Variants in RREB1 observed in about 807,000 individuals in gnomAD.
RREB1 encodes the protein ras responsive element binding protein 1.
In RREB1, 27 loss-of-function variants were observed where a neutral mutation model predicts 117.8. That is an observed-to-expected ratio of 0.23 (90% CI 0.17 to 0.32). The LOEUF (loss-of-function observed/expected upper bound fraction) is 0.32, where lower values mean the gene tolerates loss of function less well. Ranked by LOEUF, RREB1 falls within the 10% of genes least tolerant of loss-of-function variation. The pLI, the probability that RREB1 is intolerant of heterozygous loss-of-function variation, is 1.00. For synonymous variants in RREB1, 1,298 were observed against 1,026.7 expected, an observed-to-expected ratio of 1.26 and a Z score of -5.05; for missense variants, 2,577 against 2,378.2, an observed-to-expected ratio of 1.08 and a Z score of -1.74.
At chr6:7,169,399 C>T (rs554033090) in intron 1 of RREB1, among the ~76,000 whole-genome samples, 1 of 152,194 alleles carries the variant, frequency 6.6e-6, no homozygotes, top group African/African-American at 2.4e-5. Context: ...AGAGTAGAGA[C>T]GATACATGTT....
At chr6:7,169,949 T>A (rs551493928) in intron 1 of RREB1, among the ~76,000 whole-genome samples, 128 of 152,356 alleles carry the variant, frequency 8.4e-4, no homozygotes, top group African/African-American at 2.9e-3. Context: ...TGTGCCTCCC[T>A]GCTGAAGTTA....
In RREB1 at chr6:7,229,905, C is replaced by G; in HGVS notation, c.1806C>G (p.Ile602Met). 2.5e-6 allele frequency: 4 copies of G among 1,601,050 alleles called. No homozygotes were observed. The highest frequency in any genetic ancestry group is 2.6e-6 in the Non-Finnish European group (3 of 1,170,684). ...MKTQLEQDSI[I>M]EALLPLSMEA... ...CGCAGCTGGAGCAGGACAGCATCAT[C>G]GAGGCCCTGCTGCCGCTGAGCATGG... Residue 602 changes from isoleucine (I) to methionine (M), a missense_variant, in exon 10 of 13, where the codon ATC becomes ATG. By Grantham distance (10) the Ile-to-Met change is conservative (BLOSUM62 1). Coordinates refer to ENST00000379938, the MANE Select transcript of RREB1 (RefSeq NM_001003699.4). This position sits in a 1 kb window ranked among gnomAD's most constrained non-coding sequence, Gnocchi z 4.5.
intron 10 of RREB1, among the ~76,000 whole-genome samples, chr6:7,233,581 A>G (rs991546629): frequency 6.6e-6 from 1 of 152,206 alleles, no homozygotes; most frequent in Non-Finnish European, 1.5e-5. Context: ...GGGATTTACT[A>G]AAAAATTATT....
chr6:7,198,082 G>A (rs1008744431), intron 6 of RREB1, among the ~76,000 whole-genome samples: 2 of 152,234 alleles, frequency 1.3e-5, no homozygotes, highest in South Asian at 2.1e-4. Context: ...TCAGTTCCCC[G>A]CAAGAGGAAG....
intron 11 of RREB1, among the ~76,000 whole-genome samples, chr6:7,242,702 G>GA (rs1554128713): frequency 1.4e-5 from 2 of 145,438 alleles, no homozygotes; most frequent in African/African-American, 2.5e-5. Context: ...TAAAAAAAAG[G>GA]GGGGGGGGGA....
At chr6:7,226,395 G>T in intron 8 of RREB1, 72 bp from the exon 9 acceptor site, 1 of 1,143,746 alleles carries the variant, frequency 8.7e-7, no homozygotes, top group South Asian at 1.8e-5. Flanking sequence ...TGGAAGAGTG[G>T]AAACTCTGAC....
intron 2 of RREB1, among the ~76,000 whole-genome samples, chr6:7,177,744 A>G (rs192805563): frequency 1.3e-3 from 202 of 151,886 alleles, no homozygotes; most frequent in African/African-American, 4.5e-3. Context: ...GTCTTTCTTG[A>G]TGGAGTCTTG....
At chr6:7,217,360 T>G (rs1766959699) in intron 8 of RREB1, 1 of 152,206 alleles carries the variant, frequency 6.6e-6, no homozygotes, top group Non-Finnish European at 1.5e-5. Flanking sequence ...AAGGAAATGG[T>G]CAAGCTGAGT....
chr6:7,156,740 G>A (rs566098973), intron 1 of RREB1, among the ~76,000 whole-genome samples: 9 of 152,324 alleles, frequency 5.9e-5, no homozygotes, highest in African/African-American at 1.2e-4. Flanking sequence ...GTAACAGCTG[G>A]AATATAGTTG....
rs1554124720 is a variant in RREB1 at position 7,211,338 on chromosome 6, A to AAATG, written c.571-235_571-234insAATG. Among the ~76,000 whole-genome samples, 3 of 118,566 alleles carry AAATG rather than the reference A, an allele frequency of 2.5e-5. No individual in the cohort carries two copies. In the East Asian group the frequency reaches 7.6e-4, roughly 30 times the overall value. The allele number at this position is 118,566 out of a possible 152,430, so 77.8% of individuals were successfully genotyped here. A position where few individuals can be genotyped will look rare whatever the true frequency, so the allele number is the denominator to read the frequency against. The stretch of plus-strand genomic sequence containing the variant: ...AGGGTGGGTGGATGGATGGATGGAC[A>AAATG]GATGGATGGATGGATGGATGGATGG... On this transcript the variant is annotated intron_variant, in intron 7 of 12. Transcript: ENST00000379938.
rs368282600 is a variant in RREB1, at chr6:7,161,218, G to T, written c.-284-15437G>T. Among the ~76,000 whole-genome samples, 13 of 152,220 alleles carry T rather than the reference G, an allele frequency of 8.5e-5. No homozygotes were observed. In the East Asian group the frequency reaches 2.5e-3, roughly 29 times the overall value. The stretch of plus-strand genomic sequence containing the variant: ...GGTGGGGATGACTCACCTGGGAGAG[G>T]TCAGCCTGCTTATGACACGTCCCTC... On this transcript the variant is annotated intron_variant, in intron 1 of 12. Transcript: ENST00000379938.
At chr6:7,152,854 C>T (rs1445646421) in intron 1 of RREB1, among the ~76,000 whole-genome samples, 1 of 152,190 alleles carries the variant, frequency 6.6e-6, no homozygotes, top group Non-Finnish European at 1.5e-5. Context: ...GCAGGAAATT[C>T]CACCACCTTT....
intron 10 of RREB1, among the ~76,000 whole-genome samples, chr6:7,236,985 C>T (rs1260288571): frequency 3.6e-5 from 5 of 139,140 alleles, no homozygotes; most frequent in African/African-American, 1.3e-4. Context: ...GTGGCATGAT[C>T]ACAGCTCACT....
intron 6 of RREB1, among the ~76,000 whole-genome samples, chr6:7,203,649 T>A (rs1766111722): frequency 6.6e-6 from 1 of 152,206 alleles, no homozygotes; most frequent in African/African-American, 2.4e-5. Context: ...AATGAACCCC[T>A]GGTACTCCTG....
chr6:7,128,947 C>A (rs1158902346), intron 1 of RREB1, among the ~76,000 whole-genome samples: 1 of 152,096 alleles, frequency 6.6e-6, no homozygotes, highest in Non-Finnish European at 1.5e-5. Context: ...CCAGCTTGGG[C>A]AACAGAGTGA....
chr6:7,176,943 A>G (rs1359226688), intron 2 of RREB1, among the ~76,000 whole-genome samples, 170 bp downstream of exon 2: 1 of 152,054 alleles, frequency 6.6e-6, no homozygotes, highest in African/African-American at 2.4e-5. Context: ...TAGGCCAGAC[A>G]TGGTGGCTCA....
At chr6:7,143,433 C>G (rs1762714037) in intron 1 of RREB1, among the ~76,000 whole-genome samples, 1 of 152,094 alleles carries the variant, frequency 6.6e-6, no homozygotes, top group African/African-American at 2.4e-5. Context: ...TTTCTTAAAC[C>G]AAGAAGGGTG....
rs371435018 is a variant in RREB1, at chr6:7,205,290, C to T, written c.426-5514C>T. On this transcript the variant is annotated intron_variant, in intron 6 of 12. Coordinates refer to ENST00000379938, the MANE Select transcript of RREB1 (RefSeq NM_001003699.4). ...ATTTGCATGAAGCTCCCAGGTGGTG[C>T]CCATGCTGCTGGTCAGAAGCCTACA... Among the ~76,000 whole-genome samples, 76 of 152,154 alleles carry T rather than the reference C, an allele frequency of 5.0e-4. 1 individual carries two copies. The highest frequency in any genetic ancestry group is 3.3e-4 in the Admixed American group (5 of 15,280).
At chr6:7,158,546 T>C (rs917874088) in intron 1 of RREB1, among the ~76,000 whole-genome samples, 3 of 152,054 alleles carry the variant, frequency 2.0e-5, no homozygotes, top group African/African-American at 7.2e-5. Context: ...GGGTATCAGC[T>C]CCCTCCAGCC....
Sources: allele counts gnomAD v4.1 joint callset (sites outside exome capture counted in the v4.1 genomes callset), GRCh38; gene constraint gnomAD v4.1.1; non-coding constraint Gnocchi (gnomAD v3.1); transcripts MANE v1.5; gene names NCBI Gene and HGNC (gene_info 2026-07-23, HGNC 2026-07-21).